CRCP: variants seen among roughly 807,000 people sequenced by gnomAD.
The protein encoded by CRCP is DNA-directed RNA polymerase III subunit RPC9.
CRCP carries 18 observed loss-of-function variants against 18.5 expected under a neutral mutation model. That is an observed-to-expected ratio of 0.97 (90% CI 0.67 to 1.44). The LOEUF is 1.44. Among genes scored for constraint, CRCP ranks in the 40% most tolerant of loss-of-function variants. The pLI is 0.00. For missense variants in CRCP, 130 were observed against 176.4 expected (o/e 0.74, Z 1.49); for synonymous variants, 53 against 62.9 (o/e 0.84, Z 0.75).
At chr7:66,130,205 A>T (rs193255691) in intron 2 of CRCP, 15 of 240,572 alleles carry the variant, frequency 6.2e-5, no homozygotes, top group African/African-American at 4.0e-4. Context: ...TCCCGGATTC[A>T]AGTGATTCTC....
chr7:66,120,327 G>T (rs547873016), intron 1 of CRCP, among the ~76,000 whole-genome samples: 1 of 152,236 alleles, frequency 6.6e-6, no homozygotes, highest in African/African-American at 2.4e-5. Flanking sequence ...GTTGCTAGGC[G>T]TGTATATTTT....
In CRCP at chr7:66,116,753, C is replaced by T. The variant is rs1787276276; in HGVS notation, c.8+1783C>T. On this transcript the variant is annotated intron_variant, in intron 1 of 5. Transcript: ENST00000395326. The stretch of plus-strand genomic sequence containing the variant: ...ATCCCAACAAAACTTCTTGAAAGTG[C>T]TGATTAGCCCCTCATTCTCTCAGCC... 2.0e-5 allele frequency among the ~76,000 whole-genome samples: 3 copies of T among 152,118 alleles called. No individual in the cohort carries two copies. In the South Asian group the frequency reaches 6.2e-4, roughly 32 times the overall value.
intron 2 of CRCP, among the ~76,000 whole-genome samples, chr7:66,129,152 T>C: frequency 6.6e-6 from 1 of 152,088 alleles, no homozygotes; most frequent in South Asian, 2.1e-4. Flanking sequence ...GCTAACACGG[T>C]GAAACCCCGT....
intron 1 of CRCP, 73 bp downstream of exon 1, chr7:66,115,043 G>C: frequency 4.5e-6 from 7 of 1,567,850 alleles, no homozygotes; most frequent in Non-Finnish European, 6.1e-6. Context: ...TGAGAGCCGA[G>C]AGCCGTGGGG....
chr7:66,145,675 A>G (rs1276639627), intron 5 of CRCP, among the ~76,000 whole-genome samples, 175 bp downstream of exon 5: 1 of 152,186 alleles, frequency 6.6e-6, no homozygotes, highest in African/African-American at 2.4e-5. Flanking sequence ...AGGGACCACA[A>G]AACACTGGAG....
chr7:66,120,450 C>A (rs1305360818), intron 1 of CRCP: 1 of 151,980 alleles, frequency 6.6e-6, no homozygotes, highest in African/African-American at 2.4e-5. Context: ...ATTTTGCAGC[C>A]AGTAATTCAT....
intron 1 of CRCP, among the ~76,000 whole-genome samples, chr7:66,116,449 A>G (rs1236808645): frequency 1.3e-5 from 2 of 149,894 alleles, no homozygotes; most frequent in Non-Finnish European, 3.0e-5. Context: ...AGATAGAGCC[A>G]CTACACTCCT....
chr7:66,150,410 G>A (rs7809814), intron 5 of CRCP, among the ~76,000 whole-genome samples: 97,016 of 150,716 alleles, frequency 0.64, 31,667 homozygotes, highest in African/African-American at 0.74. Flanking sequence ...ATTTTCCTGA[G>A]CCATGGAATC....
At chr7:66,124,084 A>G (rs1436172419) in intron 1 of CRCP, among the ~76,000 whole-genome samples, 1 of 95,582 alleles carries the variant, frequency 1.0e-5, no homozygotes, top group Admixed American at 1.3e-4. Flanking sequence ...AAAAAAAGCC[A>G]TGCCCAGTGG....
chr7:66,145,805 A>G (rs959915052), intron 5 of CRCP, among the ~76,000 whole-genome samples: 6 of 152,206 alleles, frequency 3.9e-5, no homozygotes, highest in Admixed American at 1.3e-4. Flanking sequence ...CAGATGTTGC[A>G]TAAAAAACAT....
chr7:66,120,648 C>T (rs539652771), intron 1 of CRCP: 5 of 151,916 alleles, frequency 3.3e-5, no homozygotes, highest in East Asian at 3.9e-4. Flanking sequence ...TTGAACAACA[C>T]GAGCTTGAAC....
chr7:66,144,993 A>G (rs190929681), intron 4 of CRCP, among the ~76,000 whole-genome samples: 3 of 152,088 alleles, frequency 2.0e-5, no homozygotes, highest in South Asian at 2.1e-4. Flanking sequence ...TGCTAAAAAA[A>G]TACCAAAAAT....
chr7:66,130,943 G>T (rs1787783149), intron 3 of CRCP, 101 bp downstream of exon 3: 1 of 721,164 alleles, frequency 1.4e-6, no homozygotes, highest in Non-Finnish European at 2.5e-6. Context: ...CTTTTTATAT[G>T]ATCTGAATGT....
chr7:66,117,785 C>T (rs1265678214), intron 1 of CRCP, among the ~76,000 whole-genome samples: 1 of 152,108 alleles, frequency 6.6e-6, no homozygotes, highest in Non-Finnish European at 1.5e-5. Context: ...CCTGCAAGAC[C>T]CTGTAAAACC....
At chr7:66,117,954 G>C (rs1333853057) in intron 1 of CRCP, among the ~76,000 whole-genome samples, 1 of 151,946 alleles carries the variant, frequency 6.6e-6, no homozygotes, top group South Asian at 2.1e-4. Flanking sequence ...CCTCGCCCTC[G>C]TCCTGTTCTC....
chr7:66,148,950 C>T lies in CRCP; in HGVS notation c.298-3258C>T, dbSNP rs1355406184. 3.3e-5 allele frequency among the ~76,000 whole-genome samples: 5 copies of T among 152,324 alleles called. No individual in the cohort carries two copies. The East Asian group carries it at 9.6e-4, about 29-fold the overall frequency. On this transcript the variant is annotated intron_variant, in intron 5 of 5. Coordinates refer to ENST00000395326, the MANE Select transcript of CRCP (RefSeq NM_014478.5). ...TCTGGATCAAATATTTAATAGTATA[C>T]ATTGTTGCTATCAGATCTTTGAATC...
At chr7:66,132,641 C>T (rs1019472249) in intron 3 of CRCP, among the ~76,000 whole-genome samples, 5 of 152,088 alleles carry the variant, frequency 3.3e-5, no homozygotes, top group South Asian at 4.1e-4. Context: ...TTTGGCTGGG[C>T]GTGGTGGCTC....
chr7:66,143,732 A>G (rs560577306), intron 4 of CRCP, among the ~76,000 whole-genome samples: 2 of 152,374 alleles, frequency 1.3e-5, no homozygotes, highest in South Asian at 4.1e-4. Context: ...GGCCAAGAAC[A>G]GGAGCTTCTC....
intron 1 of CRCP, among the ~76,000 whole-genome samples, chr7:66,123,809 T>C (rs1787525759): frequency 6.7e-6 from 1 of 150,270 alleles, no homozygotes; most frequent in Admixed American, 6.6e-5. Context: ...TCCCAGCACT[T>C]TGGGAGGCCG....
Sources: allele counts gnomAD v4.1 joint callset (sites outside exome capture counted in the v4.1 genomes callset), GRCh38; gene constraint gnomAD v4.1.1; transcripts MANE v1.5; gene names NCBI Gene and HGNC (gene_info 2026-07-23, HGNC 2026-07-21).